BRSK2: variants seen among roughly 807,000 people sequenced by gnomAD.
The protein encoded by BRSK2 is serine/threonine-protein kinase BRSK2.
In BRSK2, 19 loss-of-function variants were observed where a neutral mutation model predicts 83.3. The ratio of observed to expected loss-of-function variants is 0.23; its 90% confidence interval spans 0.16 to 0.33. The LOEUF is 0.33. Among genes scored for constraint, BRSK2 ranks in the 10% least tolerant of loss-of-function variants. The probability of loss-of-function intolerance (pLI) is 1.00; values close to 1 mark genes in which losing one functional copy is unlikely to be tolerated. For missense variants in BRSK2, 798 were observed against 1,042.3 expected, an observed-to-expected ratio of 0.77 and a Z score of 3.23; for synonymous variants, 519 against 435.4, an observed-to-expected ratio of 1.19 and a Z score of -2.39.
chr11:1,418,880 A>G (rs1383640248), intron 1 of BRSK2, among the ~76,000 whole-genome samples: 1 of 152,236 alleles, frequency 6.6e-6, no homozygotes, highest in Admixed American at 6.5e-5. Flanking sequence ...TTCAGCTCTA[A>G]CACATATCCA....
In BRSK2 at chr11:1,456,252, T is replaced by C. The variant is rs980876591; in HGVS notation, c.1669-96T>C. ...GAGGTGCCTGGGTGCTCACAATGTG[T>C]GCACGGTGGGGCTGGCTCGCCCCAG... On this transcript the variant is annotated intron_variant, in intron 16 of 19. Transcript: ENST00000528841. 11 of 1,268,848 alleles carry C rather than the reference T, an allele frequency of 8.7e-6. No individual in the cohort carries two copies. In the African/African-American group the frequency reaches 1.5e-4, roughly 17 times the overall value. The allele number at this position is 1,268,848 out of a possible 1,614,324, so 78.6% of individuals were successfully genotyped here.
At chr11:1,457,139 C>T in intron 18 of BRSK2, 3 of 1,193,216 alleles carry the variant, frequency 2.5e-6, no homozygotes, top group Non-Finnish European at 3.4e-6. Context: ...CCCTCCATGC[C>T]CACCCACAGG....
intron 1 of BRSK2, among the ~76,000 whole-genome samples, chr11:1,404,053 G>C (rs760541936): frequency 5.9e-5 from 9 of 152,204 alleles, no homozygotes; most frequent in South Asian, 2.1e-4. Context: ...GACCAGTGAA[G>C]TGTGAGCAGA....
chr11:1,419,965 C>T (rs1469754277), intron 1 of BRSK2, among the ~76,000 whole-genome samples: 1 of 142,024 alleles, frequency 7.0e-6, no homozygotes, highest in African/African-American at 2.5e-5. Flanking sequence ...AGGACTGGTG[C>T]TCCCGATTCT....
At chr11:1,458,175 G>A (rs1480235896) in intron 18 of BRSK2, among the ~76,000 whole-genome samples, 2 of 152,058 alleles carry the variant, frequency 1.3e-5, no homozygotes, top group African/African-American at 2.4e-5. Flanking sequence ...GGGTGTCCCC[G>A]CACCTGAGCA....
intron 16 of BRSK2, among the ~76,000 whole-genome samples, chr11:1,456,117 G>A (rs1288240154): frequency 6.6e-6 from 1 of 152,168 alleles, no homozygotes; most frequent in African/African-American, 2.4e-5. Context: ...AGCCCGGCAG[G>A]GGCTTAGCTG....
intron 1 of BRSK2, chr11:1,410,569 G>C (rs751049819): frequency 5.1e-6 from 5 of 985,464 alleles, no homozygotes; most frequent in Non-Finnish European, 6.0e-6. Flanking sequence ...ATGTCGTCAG[G>C]CTCTCTGGTC....
intron 12 of BRSK2, among the ~76,000 whole-genome samples, chr11:1,448,911 T>A (rs1564865462): frequency 6.6e-6 from 1 of 152,222 alleles, no homozygotes; most frequent in Non-Finnish European, 1.5e-5. Context: ...GCGAGGCCCC[T>A]CGTGGCCGGC....
chr11:1,444,449 C>T (rs1026589999), intron 8 of BRSK2, among the ~76,000 whole-genome samples: 1 of 152,120 alleles, frequency 6.6e-6, no homozygotes, highest in Admixed American at 6.5e-5. Context: ...GAGAAGGGGC[C>T]GTGTGGCTGG....
In BRSK2 at chr11:1,460,712, G is replaced by A. The variant is rs1325839277; in HGVS notation, c.2200G>A (p.Glu734Lys). ...AKMGPPTARR[E>K]QP is the part of the protein sequence containing the mutation. ...GATGGGCCCGCCCACCGCCCGCCGC[G>A]AGCAGCCTTAGACACACTAGCCCCC... The change falls in exon 20 of 20, where the codon GAG (glutamate) becomes AAG (lysine). Residue 734 changes from glutamate to lysine, a missense_variant. Physicochemically the swap from Glu to Lys is moderately conservative, Grantham distance 56. Coordinates refer to ENST00000528841, the MANE Select transcript of BRSK2 (RefSeq NM_001256627.2). 5 of 1,454,204 alleles carry A rather than the reference G, an allele frequency of 3.4e-6. No homozygotes were observed. Among genetic ancestry groups the A allele is most frequent in the Admixed American group, 2.2e-5 (1 of 45,754 alleles). The allele number at this position is 1,454,204 out of a possible 1,614,324, so 90.1% of individuals were successfully genotyped here. A position where few individuals can be genotyped will look rare whatever the true frequency, so the allele number is the denominator to read the frequency against.
intron 13 of BRSK2, 45 bp downstream of exon 13, chr11:1,449,881 C>T (rs1402717691): frequency 2.0e-6 from 3 of 1,468,678 alleles, no homozygotes; most frequent in African/African-American, 1.4e-5. Flanking sequence ...CACAGAGGCC[C>T]CAACCCTCCC....
chr11:1,452,107 G>C (rs551150487), intron 15 of BRSK2, among the ~76,000 whole-genome samples: 4 of 152,306 alleles, frequency 2.6e-5, no homozygotes, highest in Non-Finnish European at 5.9e-5. Context: ...AGAGAGCGGC[G>C]GTCAGGCTGG....
Position 1,460,719 on chromosome 11 carries a change from C to A in BRSK2, c.2207C>A (p.Pro736His), listed in dbSNP as rs372256031. Residue 736 changes from proline to histidine, a missense_variant, in exon 20 of 20, where the codon CCT (proline) becomes CAT (histidine). By Grantham distance (77) the Pro-to-His change is moderately conservative. Coordinates refer to ENST00000528841, the MANE Select transcript of BRSK2 (RefSeq NM_001256627.2). ...CCGCCCACCGCCCGCCGCGAGCAGC[C>A]TTAGACACACTAGCCCCCCCCCCCA... Reference protein sequence around the residue: ...MGPPTARREQP With the variant: ...MGPPTARREQH The A allele has an allele frequency of 7.0e-7, 1 of 1,430,870 alleles. No individual in the cohort carries two copies. Among genetic ancestry groups the A allele is most frequent in the Non-Finnish European group, 9.2e-7 (1 of 1,088,386 alleles). 88.6% of individuals were successfully genotyped at this position (1,430,870 alleles called of 1,614,324 possible).
intron 16 of BRSK2, among the ~76,000 whole-genome samples, chr11:1,455,165 G>T (rs776187735): frequency 2.0e-5 from 3 of 152,148 alleles, no homozygotes; most frequent in Non-Finnish European, 2.9e-5. Flanking sequence ...TGGGTTAGGA[G>T]GAGCAGAAAG....
intron 4 of BRSK2, among the ~76,000 whole-genome samples, chr11:1,441,211 TC>T (rs1443336671): frequency 2.9e-5 from 1 of 34,494 alleles, no homozygotes; most frequent in African/African-American, 1.4e-4. Context: ...AAGTGCACCA[TC>T]CCCCCCATTA....
rs1198264754 is a variant in BRSK2 at position 1,412,408 on chromosome 11, TGAG to T, written c.91+22034_91+22036del. Among the ~76,000 whole-genome samples, 124 of 30,354 alleles carry T rather than the reference TGAG, an allele frequency of 4.1e-3. 38 individuals are homozygous for T. Among genetic ancestry groups the T allele is most frequent in the African/African-American group, 4.3e-3 (39 of 9,076 alleles). 19.9% of individuals were successfully genotyped at this position (30,354 alleles called of 152,430 possible). ...GCCCCGTCCTGCGGTGGGTGGAGTC[TGAG>T]CTGCGCTGCCCCGTCCTGCGGTGGG... On this transcript the variant is annotated intron_variant, in intron 1 of 19. Transcript: ENST00000528841.
In BRSK2 at chr11:1,445,855, G is replaced by T. The variant is rs779818282; in HGVS notation, c.1174G>T (p.Gly392Cys). Residue 392 changes from glycine to cysteine, a missense_variant, in exon 12 of 20, where the codon GGC becomes TGC. Physicochemically the swap from Gly to Cys is radical, Grantham distance 159. Around this residue, in one of 6 missense-constraint regions of BRSK2, gnomAD observed 51 missense variants for 52.6 expected, o/e 0.97. Transcript: ENST00000528841. ...GGAGGTGCTCAGCGTGACGGACGGC[G>T]GCTCCCCGGTGCCTGCGCGGCGGGC... ...SMEVLSVTDG[G>C]SPVPARRAIE... 4.3e-6 allele frequency: 7 copies of T among 1,612,236 alleles called. No homozygotes were observed. The highest frequency in any genetic ancestry group is 5.9e-6 in the Non-Finnish European group (7 of 1,179,626).
At chr11:1,404,814 G>A (rs977444976) in intron 1 of BRSK2, among the ~76,000 whole-genome samples, 2 of 152,188 alleles carry the variant, frequency 1.3e-5, no homozygotes, top group South Asian at 4.1e-4. Context: ...GATTACTGCT[G>A]CGACGGCTCC....
chr11:1,410,253 G>A (rs1161240498), intron 1 of BRSK2, among the ~76,000 whole-genome samples: 8 of 74,756 alleles, frequency 1.1e-4, no homozygotes, highest in Admixed American at 1.4e-4. Flanking sequence ...CTCGCAGAGC[G>A]GTGACAGTTG....
Sources: allele counts gnomAD v4.1 joint callset (sites outside exome capture counted in the v4.1 genomes callset), GRCh38; gene constraint gnomAD v4.1.1; regional missense constraint gnomAD v4.1.1; transcripts MANE v1.5; gene names NCBI Gene and HGNC (gene_info 2026-07-23, HGNC 2026-07-21).